The following PSIP1 variants were observed in gnomAD, a reference collection of about 807,000 sequenced individuals.
The protein encoded by PSIP1 is PC4 and SRSF1 interacting protein 1, also known as PC4 and SFRS1-interacting protein.
Under a neutral mutation model 74.7 loss-of-function variants are expected in PSIP1, and 19 were observed. The observed-to-expected ratio is 0.25, with a 90% CI of 0.18 to 0.37. PSIP1 has a LOEUF of 0.37. Among genes scored for constraint, PSIP1 ranks in the 10% least tolerant of loss-of-function variants. The probability of loss-of-function intolerance (pLI) is 1.00; values close to 1 mark genes in which losing one functional copy is unlikely to be tolerated. For missense variants in PSIP1, 601 were observed against 614.3 expected, an observed-to-expected ratio of 0.98 and a Z score of 0.23; for synonymous variants, 222 against 195.3, an observed-to-expected ratio of 1.14 and a Z score of -1.14.
At chr9:15,477,217 A>G (rs946278658) in intron 8 of PSIP1, among the ~76,000 whole-genome samples, 3 of 147,910 alleles carry the variant, frequency 2.0e-5, no homozygotes, top group Non-Finnish European at 4.4e-5. Context: ...CTATTTTTAA[A>G]AATTGACAGG....
chr9:15,477,646 A>G (rs1300958626), intron 8 of PSIP1, among the ~76,000 whole-genome samples: 1 of 152,012 alleles, frequency 6.6e-6, no homozygotes, highest in Non-Finnish European at 1.5e-5. Flanking sequence ...TCCTTCTGGC[A>G]AAGATTCCCC....
chr9:15,470,195 A>T (rs1044326908), intron 10 of PSIP1, among the ~76,000 whole-genome samples: 4 of 152,168 alleles, frequency 2.6e-5, no homozygotes, highest in Admixed American at 2.6e-4. Flanking sequence ...AGATTAAATC[A>T]TATCTGGCTT....
chr9:15,468,759 C>T lies in PSIP1; in HGVS notation c.1291G>A (p.Glu431Lys). ...NKFKNMFLVG[E>K]GDSVITQVLN... Reference sequence around the variant, plus strand: ...ACTTGGGTGATCACGGAATCTCCTTCACCAACCAAGAACATGTTCTTAAAC... The same window carrying T: ...ACTTGGGTGATCACGGAATCTCCTTTACCAACCAAGAACATGTTCTTAAAC... Residue 431 changes from glutamate (E) to lysine (K), a missense_variant, in exon 14 of 16, where the codon GAA (glutamate) becomes AAA (lysine). Transcript: ENST00000380733. 6.2e-7 allele frequency: 1 copy of T among 1,614,094 alleles called. No individual in the cohort carries two copies. Among genetic ancestry groups the T allele is most frequent in the Non-Finnish European group, 8.5e-7 (1 of 1,179,938 alleles).
At position 15,478,460 on chromosome 9, in the gene PSIP1, A is replaced by G. The variant is rs2036192864; in HGVS notation, c.629+17T>C. The G allele has an allele frequency of 4.5e-6, 7 of 1,539,256 alleles. No homozygotes were observed. Among genetic ancestry groups the G allele is most frequent in the South Asian group, 1.1e-5 (1 of 88,628 alleles). ...TGTCTCATTTATTGCATAATTATAC[A>G]TTAAAAATAAACTCACATGTCACTC... On this transcript the variant is annotated intron_variant, in intron 8 of 15. Coordinates refer to ENST00000380733, the MANE Select transcript of PSIP1 (RefSeq NM_033222.5).
chr9:15,509,905 C>T (rs2037774367), intron 2 of PSIP1, among the ~76,000 whole-genome samples: 1 of 152,000 alleles, frequency 6.6e-6, no homozygotes, highest in Non-Finnish European at 1.5e-5. Flanking sequence ...GCCAATAAAC[C>T]ATAGGGAAAT....
intron 9 of PSIP1, 78 bp downstream of exon 9, chr9:15,473,931 A>G (rs866672022): frequency 1.8e-4 from 161 of 916,010 alleles, no homozygotes; most frequent in Non-Finnish European, 2.1e-4. Flanking sequence ...AAAAAACAAA[A>G]AAAAAACAAA....
intron 3 of PSIP1, among the ~76,000 whole-genome samples, chr9:15,497,605 G>C (rs974673519): frequency 6.6e-6 from 1 of 151,974 alleles, no homozygotes; most frequent in Non-Finnish European, 1.5e-5. Flanking sequence ...GATTACAGGC[G>C]TGAGCCACCG....
intron 3 of PSIP1, among the ~76,000 whole-genome samples, chr9:15,499,948 C>CA (rs1328881569): frequency 6.6e-6 from 1 of 151,442 alleles, no homozygotes; most frequent in African/African-American, 2.4e-5. Flanking sequence ...GCTCAAAACT[C>CA]ATTTAAGTGT....
At chr9:15,508,155 T>C (rs2037685806) in intron 2 of PSIP1, among the ~76,000 whole-genome samples, 1 of 152,218 alleles carries the variant, frequency 6.6e-6, no homozygotes, top group Non-Finnish European at 1.5e-5. Context: ...TGTTTAAGAC[T>C]TAAAAATTAA....
chr9:15,500,170 A>T (rs2037267462), intron 3 of PSIP1, among the ~76,000 whole-genome samples: 1 of 152,174 alleles, frequency 6.6e-6, no homozygotes, highest in African/African-American at 2.4e-5. Context: ...CCTGCTGGTA[A>T]AGAGAGATCA....
intron 4 of PSIP1, among the ~76,000 whole-genome samples, chr9:15,487,550 C>A (rs975895313): frequency 9.2e-5 from 14 of 152,060 alleles, no homozygotes; most frequent in African/African-American, 3.1e-4. Flanking sequence ...GAGACAAGAT[C>A]AAAATTGCAC....
At chr9:15,488,737 T>C (rs774668464) in intron 4 of PSIP1, among the ~76,000 whole-genome samples, 5 of 151,730 alleles carry the variant, frequency 3.3e-5, no homozygotes, top group Non-Finnish European at 5.9e-5. Flanking sequence ...ATACAAAAAA[T>C]TAGGCTGGAC....
At chr9:15,498,551 A>G (rs1322216717) in intron 3 of PSIP1, among the ~76,000 whole-genome samples, 3 of 152,278 alleles carry the variant, frequency 2.0e-5, no homozygotes, top group Non-Finnish European at 2.9e-5. Flanking sequence ...AGGTTTGGTG[A>G]ACAGGGACCA....
intron 10 of PSIP1, chr9:15,471,422 ATAACT>A: frequency 6.8e-7 from 1 of 1,471,572 alleles, no homozygotes; most frequent in Non-Finnish European, 9.1e-7. Context: ...ATACATAAAG[ATAACT>A]TTAAGATACT....
Position 15,469,103 on chromosome 9 carries a change from ACTTAAACAAT to A in PSIP1, c.1105-55_1105-46del, listed in dbSNP as rs774593277. 3.5e-5 allele frequency: 54 copies of A among 1,541,748 alleles called. 1 individual carries two copies. In the East Asian group the frequency reaches 1.2e-3, roughly 34 times the overall value. The stretch of plus-strand genomic sequence containing the variant: ...TTTCATAGCTGTTAATTATCTTAAC[ACTTAAACAAT>A]CTGTTTCTAAAGATCGTTTCCAAAA... On this transcript the variant is annotated intron_variant, in intron 12 of 15. Coordinates refer to ENST00000380733, the MANE Select transcript of PSIP1 (RefSeq NM_033222.5).
At chr9:15,471,642 G>T in intron 10 of PSIP1, 1 of 953,690 alleles carries the variant, frequency 1.0e-6, no homozygotes, top group Non-Finnish European at 1.2e-6. Flanking sequence ...TTGAGCTTTA[G>T]ATAAGTTATT....
At chr9:15,483,774 A>T (rs1423370261) in intron 6 of PSIP1, among the ~76,000 whole-genome samples, 1 of 152,192 alleles carries the variant, frequency 6.6e-6, no homozygotes, top group Admixed American at 6.5e-5. Context: ...AAGGCGGATC[A>T]CAAGGTGAGG....
At chr9:15,475,594 T>C (rs2036041482) in intron 8 of PSIP1, among the ~76,000 whole-genome samples, 1 of 152,202 alleles carries the variant, frequency 6.6e-6, no homozygotes, top group African/African-American at 2.4e-5. Context: ...ATACATAGGA[T>C]AGATCTTAAG....
rs1037132697 is a variant in PSIP1 at position 15,483,892 on chromosome 9, C to G, written c.456+2114G>C. Among the ~76,000 whole-genome samples, 4 of 152,078 alleles carry G rather than the reference C, an allele frequency of 2.6e-5. No homozygotes were observed. The East Asian group carries it at 7.7e-4, about 29-fold the overall frequency. On this transcript the variant is annotated intron_variant, in intron 6 of 15. Coordinates refer to ENST00000380733, the MANE Select transcript of PSIP1 (RefSeq NM_033222.5). Reference sequence around the variant, plus strand: ...CCTGTAATCCCAGCACTTTGGGAGGCAGAGGTGAGCAGATCACTTGAGGCC... The same window carrying G: ...CCTGTAATCCCAGCACTTTGGGAGGGAGAGGTGAGCAGATCACTTGAGGCC...
Sources: allele counts gnomAD v4.1 joint callset (sites outside exome capture counted in the v4.1 genomes callset), GRCh38; gene constraint gnomAD v4.1.1; transcripts MANE v1.5; gene names NCBI Gene and HGNC (gene_info 2026-07-23, HGNC 2026-07-21).